The following PTPRD variants were observed in gnomAD, a reference collection of about 807,000 sequenced individuals.
The protein encoded by PTPRD is protein tyrosine phosphatase receptor type D, also known as receptor-type tyrosine-protein phosphatase delta.
PTPRD carries 34 observed loss-of-function variants against 214.5 expected under a neutral mutation model. The observed-to-expected ratio is 0.16, with a 90% CI of 0.12 to 0.21. The LOEUF (loss-of-function observed/expected upper bound fraction) is 0.21. Among genes scored for constraint, PTPRD ranks in the 10% least tolerant of loss-of-function variants. The pLI is 1.00. For synonymous variants in PTPRD, 1,128 were observed against 845.7 expected, an observed-to-expected ratio of 1.33 and a Z score of -5.79; for missense variants, 2,545 against 2,398.7, an observed-to-expected ratio of 1.06 and a Z score of -1.27.
At chr9:10,409,067 A>G (rs2098407010) in intron 2 of PTPRD, among the ~76,000 whole-genome samples, 1 of 151,740 alleles carries the variant, frequency 6.6e-6, no homozygotes, top group Non-Finnish European at 1.5e-5. Context: ...TACCTCCAAG[A>G]AGCTACAAAG....
chr9:8,884,226 G>C (rs1182454697), intron 11 of PTPRD, among the ~76,000 whole-genome samples: 1 of 152,168 alleles, frequency 6.6e-6, no homozygotes, highest in Non-Finnish European at 1.5e-5. Context: ...GTCATGGCAG[G>C]TTAAACATTG....
chr9:10,036,996 A>T (rs2097196598), intron 3 of PTPRD, among the ~76,000 whole-genome samples: 1 of 151,720 alleles, frequency 6.6e-6, no homozygotes, highest in Non-Finnish European at 1.5e-5. Flanking sequence ...TGATCCTACC[A>T]CCCCAGTCTC....
In PTPRD at chr9:10,088,332, C is replaced by T. The variant is rs1040927951; in HGVS notation, c.-544-54542G>A. 2.6e-5 allele frequency among the ~76,000 whole-genome samples: 4 copies of T among 151,754 alleles called. No homozygotes were observed. The South Asian group carries it at 6.2e-4, about 24-fold the overall frequency. ...GGAATTTCCAGCTGTGCTGAAAGAA[C>T]TGAATATGCCTCTATTAGAAACAAT... On this transcript the variant is annotated intron_variant, in intron 3 of 45. Transcript: ENST00000381196.
intron 23 of PTPRD, among the ~76,000 whole-genome samples, chr9:8,503,744 G>A (rs781365278): frequency 7.9e-5 from 12 of 152,178 alleles, no homozygotes; most frequent in Non-Finnish European, 1.5e-4. Flanking sequence ...ATTTCCACAG[G>A]TACTACACAC....
chr9:10,449,399 C>T (rs2098822433), intron 2 of PTPRD, among the ~76,000 whole-genome samples: 1 of 151,886 alleles, frequency 6.6e-6, no homozygotes, highest in Non-Finnish European at 1.5e-5. Flanking sequence ...CAACCTCCAC[C>T]TCCCAGCCGC....
intron 12 of PTPRD, chr9:8,713,841 G>C: frequency 3.4e-6 from 5 of 1,461,820 alleles, no homozygotes; most frequent in South Asian, 2.4e-5. Flanking sequence ...CCTTCTTCTA[G>C]GTGCAGGGCC....
intron 5 of PTPRD, among the ~76,000 whole-genome samples, chr9:9,872,712 C>T (rs1179499884): frequency 6.6e-6 from 1 of 152,072 alleles, no homozygotes; most frequent in Middle Eastern, 3.2e-3. Flanking sequence ...TGAATGTATA[C>T]ATTAAATGCT....
At chr9:9,205,545 C>G (rs1032248615) in intron 9 of PTPRD, among the ~76,000 whole-genome samples, 2 of 152,080 alleles carry the variant, frequency 1.3e-5, no homozygotes, top group African/African-American at 4.8e-5. Flanking sequence ...ACTTGAAAAA[C>G]AAAGCATCAT....
intron 11 of PTPRD, among the ~76,000 whole-genome samples, chr9:8,836,356 G>A (rs758742920): frequency 1.3e-5 from 2 of 152,020 alleles, no homozygotes; most frequent in Non-Finnish European, 2.9e-5. Flanking sequence ...TAAAATACCA[G>A]AGATACTGGT....
At chr9:10,232,023 TGTGTGA>T (rs1489028503) in intron 3 of PTPRD, among the ~76,000 whole-genome samples, 1,519 of 150,056 alleles carry the variant, frequency 0.01, 25 homozygotes, top group African/African-American at 0.034. Flanking sequence ...TGTGTGTGTG[TGTGTGA>T]GGTGCACTCT....
At chr9:9,846,386 T>G (rs9299099) in intron 5 of PTPRD, among the ~76,000 whole-genome samples, 91,120 of 151,944 alleles carry the variant, frequency 0.6, 28,969 homozygotes, top group East Asian at 0.86. Flanking sequence ...GTAAGCAACT[T>G]TCATATGAAG....
At chr9:8,763,378 G>A (rs1285218947) in intron 11 of PTPRD, among the ~76,000 whole-genome samples, 1 of 151,942 alleles carries the variant, frequency 6.6e-6, no homozygotes, top group Non-Finnish European at 1.5e-5. Flanking sequence ...GCTGGGTATG[G>A]TGGCTCATGC....
In PTPRD at chr9:8,783,563, C is replaced by T. The variant is rs546295394; in HGVS notation, c.-103-49617G>A. ...CTACTTAAGTTACATAACTTGTCAA[C>T]GGTGACATTGTGACAGAAGTAGGAA... On this transcript the variant is annotated intron_variant, in intron 11 of 45. Coordinates refer to ENST00000381196, the MANE Select transcript of PTPRD (RefSeq NM_002839.4). Among the ~76,000 whole-genome samples, 14 of 152,292 alleles carry T rather than the reference C, an allele frequency of 9.2e-5. No individual in the cohort carries two copies. The South Asian group carries it at 2.3e-3, about 25-fold the overall frequency.
intron 11 of PTPRD, chr9:8,860,305 T>G (rs2098077881): frequency 6.6e-6 from 1 of 152,154 alleles, no homozygotes; most frequent in Admixed American, 6.5e-5. Context: ...CCACTGGTAG[T>G]GATTTAAACT....
At chr9:10,481,766 T>C (rs1275271093) in intron 2 of PTPRD, among the ~76,000 whole-genome samples, 1 of 152,068 alleles carries the variant, frequency 6.6e-6, no homozygotes, top group African/African-American at 2.4e-5. Context: ...TCTCAGAATA[T>C]AGAGACAAAA....
chr9:10,562,950 G>A (rs961318675), intron 2 of PTPRD, among the ~76,000 whole-genome samples: 2 of 152,140 alleles, frequency 1.3e-5, no homozygotes, highest in Non-Finnish European at 2.9e-5. Context: ...TTTAAAGTAT[G>A]TAGTTAATAT....
chr9:9,990,937 CT>C (rs5896359), intron 4 of PTPRD, among the ~76,000 whole-genome samples: 23 of 141,596 alleles, frequency 1.6e-4, no homozygotes, highest in Non-Finnish European at 1.4e-4. Context: ...GTAAAATAGT[CT>C]TTTTTTTTTT....
intron 8 of PTPRD, among the ~76,000 whole-genome samples, chr9:9,418,884 T>C (rs554933534): frequency 2.0e-5 from 3 of 152,032 alleles, no homozygotes; most frequent in African/African-American, 2.4e-5. Context: ...GGATATGTGC[T>C]AGAAAGAAAG....
At chr9:8,835,860 C>T (rs112025375) in intron 11 of PTPRD, among the ~76,000 whole-genome samples, 1 of 152,110 alleles carries the variant, frequency 6.6e-6, no homozygotes, top group South Asian at 2.1e-4. Context: ...ATAATACTCA[C>T]CATTATGGAT....
Sources: gnomAD v4.1 joint callset for allele counts (sites outside exome capture counted in the v4.1 genomes callset) on GRCh38, gnomAD v4.1.1 for gene constraint, MANE v1.5 for transcripts, NCBI Gene and HGNC (gene_info 2026-07-23, HGNC 2026-07-21) for gene names.